MARK1: variants seen among roughly 807,000 people sequenced by gnomAD.
MARK1 encodes microtubule affinity regulating kinase 1.
A neutral mutation model predicts 96.3 loss-of-function variants in MARK1; 40 were observed. The ratio of observed to expected loss-of-function variants is 0.42; its 90% confidence interval spans 0.32 to 0.54. The LOEUF (loss-of-function observed/expected upper bound fraction) is 0.54, where lower values mean the gene tolerates loss of function less well. Ranked by LOEUF, MARK1 falls within the 20% of genes least tolerant of loss-of-function variation. The pLI is 0.16. For synonymous variants in MARK1, 317 were observed against 341.2 expected (o/e 0.93, Z 0.78); for missense variants, 719 against 984.6 (o/e 0.73, Z 3.61).
chr1:220,595,331 A>T (rs1377453404), intron 3 of MARK1, among the ~76,000 whole-genome samples: 3 of 152,228 alleles, frequency 2.0e-5, no homozygotes, highest in Non-Finnish European at 4.4e-5. Flanking sequence ...TCAGATGCTC[A>T]GTTTTGACAA....
Position 220,618,775 on chromosome 1 carries a change from C to A in MARK1, c.909+20C>A. The A allele has an allele frequency of 6.5e-7, 1 of 1,544,670 alleles. No homozygotes were observed. ...TTGGAAGTAAGTAAATTTTTGTACTCCAAATTTAAATTTTAACAATTAAAA... is the reference window on the plus strand; with the variant it reads ...TTGGAAGTAAGTAAATTTTTGTACTACAAATTTAAATTTTAACAATTAAAA... On this transcript the variant is annotated intron_variant, in intron 9 of 17. Transcript: ENST00000366917. The surrounding 1 kb of genome is among the most constrained non-coding windows in gnomAD (Gnocchi z 4.6).
At chr1:220,530,315 A>T (rs1370937399) in intron 1 of MARK1, among the ~76,000 whole-genome samples, 1 of 152,236 alleles carries the variant, frequency 6.6e-6, no homozygotes, top group Non-Finnish European at 1.5e-5. Context: ...TAATTGATAC[A>T]TAATTTTGAT....
At chr1:220,661,722 A>C (rs1415627784) in intron 17 of MARK1, 90 bp from the exon 18 acceptor site, 1 of 968,050 alleles carries the variant, frequency 1.0e-6, no homozygotes, top group East Asian at 2.6e-5. Flanking sequence ...TAGGCACTGA[A>C]CTATGACCAC....
chr1:220,584,013 A>G (rs1420840849), intron 3 of MARK1, among the ~76,000 whole-genome samples: 1 of 151,772 alleles, frequency 6.6e-6, no homozygotes, highest in Non-Finnish European at 1.5e-5. Flanking sequence ...GAAAAGCAAG[A>G]CAATAAAATA....
At chr1:220,594,764 A>G (rs1025343677) in intron 3 of MARK1, among the ~76,000 whole-genome samples, 1 of 152,214 alleles carries the variant, frequency 6.6e-6, no homozygotes, top group Non-Finnish European at 1.5e-5. Flanking sequence ...TGTAAAAGCC[A>G]ATCTGAAAAG....
At chr1:220,576,095 T>G (rs1346153127) in intron 1 of MARK1, among the ~76,000 whole-genome samples, 1 of 45,300 alleles carries the variant, frequency 2.2e-5, no homozygotes, top group Non-Finnish European at 4.7e-5. Flanking sequence ...AGTTTTTCCC[T>G]TTTCTCTTGT....
In MARK1 at chr1:220,591,573, TAGAG is replaced by T. The variant is rs1664982253; in HGVS notation, c.310-6755_310-6752del. ...GTACACAGGAAATGCCTGTGCCAAT[TAGAG>T]AGTACAAGTAAAAGCCCTCTTTCAT... is the stretch of plus-strand genomic sequence containing the variant. On this transcript the variant is annotated intron_variant, in intron 3 of 17. Coordinates refer to ENST00000366917, the MANE Select transcript of MARK1 (RefSeq NM_018650.5). Among the ~76,000 whole-genome samples the T allele has an allele frequency of 2.0e-5, 3 of 152,110 alleles. 1 individual carries two copies. In the South Asian group the frequency reaches 6.2e-4, roughly 32 times the overall value.
intron 9 of MARK1, chr1:220,627,089 T>C (rs1667386922): frequency 3.8e-6 from 2 of 524,438 alleles, no homozygotes; most frequent in Non-Finnish European, 7.7e-6. Flanking sequence ...TTGGAGAAGA[T>C]AAACAGCGAC....
At chr1:220,540,807 T>C (rs1661088119) in intron 1 of MARK1, among the ~76,000 whole-genome samples, 1 of 152,158 alleles carries the variant, frequency 6.6e-6, no homozygotes, top group Non-Finnish European at 1.5e-5. Context: ...GTTGTTTTTG[T>C]ATTCACTAAT....
intron 6 of MARK1, among the ~76,000 whole-genome samples, chr1:220,608,292 T>A (rs902300200): frequency 5.3e-5 from 8 of 152,206 alleles, no homozygotes; most frequent in African/African-American, 1.9e-4. Flanking sequence ...GAAGAGTGTA[T>A]GTGTCCAGGA....
chr1:220,568,340 C>T lies in MARK1; in HGVS notation c.52-11014C>T, dbSNP rs1198849865. Among the ~76,000 whole-genome samples, 4 of 152,072 alleles carry T rather than the reference C, an allele frequency of 2.6e-5. No individual in the cohort carries two copies. The East Asian group carries it at 5.8e-4, about 22-fold the overall frequency. On this transcript the variant is annotated intron_variant, in intron 1 of 17. Transcript: ENST00000366917. ...CTGAAGGAATTGGACAAACTGATAT[C>T]TGAGAGAAGAATGTTCTAGGCAGAG...
chr1:220,555,690 A>G (rs1412143103), intron 1 of MARK1, among the ~76,000 whole-genome samples: 1 of 152,220 alleles, frequency 6.6e-6, no homozygotes, highest in South Asian at 2.1e-4. Context: ...ATGTTTGGCT[A>G]TGAGAAATCT....
In MARK1 at chr1:220,528,701, G is replaced by A. The variant is rs1268765601; in HGVS notation, c.-122G>A. 3.7e-6 allele frequency: 3 copies of A among 804,302 alleles called. No individual in the cohort carries two copies. The highest frequency in any genetic ancestry group is 3.9e-5 in the Admixed American group (1 of 25,512). The allele number at this position is 804,302 out of a possible 1,614,324, so 49.8% of individuals were successfully genotyped here. A position where few individuals can be genotyped will look rare whatever the true frequency, so the allele number is the denominator to read the frequency against. Reference sequence around the variant, plus strand: ...GGGCCGCTTGTTGCACCGCCCCGCGGCCTGCGGGAGCCGCTCGCCCCGGCC... The same window carrying A: ...GGGCCGCTTGTTGCACCGCCCCGCGACCTGCGGGAGCCGCTCGCCCCGGCC... On this transcript the variant is annotated 5_prime_UTR_variant, in exon 1 of 18. Coordinates refer to ENST00000366917, the MANE Select transcript of MARK1 (RefSeq NM_018650.5).
In MARK1 at chr1:220,663,025, A is replaced by G. The variant is rs947807349; in HGVS notation, c.*859A>G. The G allele has an allele frequency of 4.6e-5, 7 of 152,638 alleles. No homozygotes were observed. Among genetic ancestry groups the G allele is most frequent in the African/African-American group, 1.4e-4 (6 of 41,452 alleles). The allele number at this position is 152,638 out of a possible 1,614,324, so 9.5% of individuals were successfully genotyped here. ...GGTTTGCTGCCTTCAGAATACCGCA[A>G]TTTAATTGCGGGAATATAATAATAT... On this transcript the variant is annotated 3_prime_UTR_variant, in exon 18 of 18. Coordinates refer to ENST00000366917, the MANE Select transcript of MARK1 (RefSeq NM_018650.5).
rs1021331984 is a variant in MARK1, at chr1:220,588,613, A to G, written c.309+7495A>G. Among the ~76,000 whole-genome samples, 16 of 152,240 alleles carry G rather than the reference A, an allele frequency of 1.1e-4. 1 individual carries two copies. The highest frequency in any genetic ancestry group is 3.6e-4 in the African/African-American group (15 of 41,474). On this transcript the variant is annotated intron_variant, in intron 3 of 17. Transcript: ENST00000366917. ...TTATAGTGCTGCTAGCAATAATTTT[A>G]CAAAATACTTGACATCCCAATGAGA...
chr1:220,573,198 A>G (rs1392268465), intron 1 of MARK1, among the ~76,000 whole-genome samples: 3 of 151,928 alleles, frequency 2.0e-5, no homozygotes, highest in African/African-American at 7.2e-5. Context: ...GAGGAATTGT[A>G]TGGCCATTAT....
chr1:220,537,519 G>A (rs1660794799), intron 1 of MARK1, among the ~76,000 whole-genome samples: 1 of 150,014 alleles, frequency 6.7e-6, no homozygotes, highest in Non-Finnish European at 1.5e-5. Flanking sequence ...CCAAGTCTTT[G>A]CTGTTGTGAA....
At chr1:220,608,141 CTT>C (rs1258583424) in intron 6 of MARK1, among the ~76,000 whole-genome samples, 6 of 152,210 alleles carry the variant, frequency 3.9e-5, no homozygotes, top group African/African-American at 1.4e-4. Context: ...ACCAGCTCCT[CTT>C]TGTACCTCTG....
At position 220,562,281 on chromosome 1, in the gene MARK1, G is replaced by A. The variant is rs557490621; in HGVS notation, c.52-17073G>A. 3.3e-5 allele frequency among the ~76,000 whole-genome samples: 5 copies of A among 152,076 alleles called. No individual in the cohort carries two copies. In the South Asian group the frequency reaches 1.0e-3, roughly 32 times the overall value. ...GGAGTTTGACACCAGCCTGGCCAAC[G>A]TGGCGAAACCCCATCTATACTAAAA... On this transcript the variant is annotated intron_variant, in intron 1 of 17. Transcript: ENST00000366917.
Sources: allele counts gnomAD v4.1 joint callset (sites outside exome capture counted in the v4.1 genomes callset), GRCh38; gene constraint gnomAD v4.1.1; non-coding constraint Gnocchi (gnomAD v3.1); transcripts MANE v1.5; gene names NCBI Gene and HGNC (gene_info 2026-07-23, HGNC 2026-07-21).